The following DEK variants were observed in gnomAD, a reference collection of about 807,000 sequenced individuals.
The protein encoded by DEK is DEK proto-oncogene.
DEK carries 28 observed loss-of-function variants against 46.8 expected under a neutral mutation model. The ratio of observed to expected loss-of-function variants is 0.60; its 90% CI spans 0.44 to 0.82. DEK has a LOEUF of 0.82. DEK is among the 40% of genes least tolerant of loss of function. DEK has a pLI of 0.00. For synonymous variants in DEK, 160 were observed against 144.5 expected, an observed-to-expected ratio of 1.11 and a Z score of -0.77; for missense variants, 416 against 430.6, an observed-to-expected ratio of 0.97 and a Z score of 0.30.
In DEK at chr6:18,236,437, C is replaced by T. The variant is rs1332887269; in HGVS notation, c.1047+15G>A. The stretch of plus-strand genomic sequence containing the variant: ...TCTAGCAAAAGCAAAATAATCTAAA[C>T]ATTTGTCTAATTACCTTTTTGCAAA... On this transcript the variant is annotated intron_variant, in intron 9 of 10. Coordinates refer to ENST00000652689, the MANE Select transcript of DEK (RefSeq NM_003472.4). 6.2e-7 allele frequency: 1 copy of T among 1,605,976 alleles called. No individual in the cohort carries two copies. Among genetic ancestry groups the T allele is most frequent in the Non-Finnish European group, 8.5e-7 (1 of 1,177,252 alleles).
chr6:18,252,533 A>AG (rs1791432142), intron 6 of DEK, among the ~76,000 whole-genome samples: 1 of 148,004 alleles, frequency 6.8e-6, no homozygotes, highest in Admixed American at 6.8e-5. Context: ...AAAAAAAAAA[A>AG]AAGAAAATAG....
chr6:18,231,453 T>G (rs1437551054), intron 9 of DEK, among the ~76,000 whole-genome samples: 3 of 151,550 alleles, frequency 2.0e-5, no homozygotes, highest in African/African-American at 7.3e-5. Flanking sequence ...AAAAGATCAA[T>G]AAAATTGATA....
intron 9 of DEK, among the ~76,000 whole-genome samples, chr6:18,234,376 G>C (rs1790559039): frequency 6.6e-6 from 1 of 151,778 alleles, no homozygotes; most frequent in African/African-American, 2.4e-5. Flanking sequence ...TTTGCCCCTT[G>C]TTCTTTCCCT....
chr6:18,243,070 G>A (rs1393070349), intron 7 of DEK, among the ~76,000 whole-genome samples: 2 of 152,084 alleles, frequency 1.3e-5, no homozygotes, highest in Non-Finnish European at 2.9e-5. Flanking sequence ...ATACACTGGG[G>A]GTCTTGAAAT....
In DEK at chr6:18,225,131, T is replaced by C. The variant is rs912487758; in HGVS notation, c.*588A>G. 1.8e-5 allele frequency: 4 copies of C among 217,712 alleles called. No individual in the cohort carries two copies. The highest frequency in any genetic ancestry group is 2.8e-5 in the Non-Finnish European group (3 of 108,220). 13.5% of individuals were successfully genotyped at this position (217,712 alleles called of 1,614,324 possible). ...ACTTTATATACAACCAATTGTTTTT[T>C]AAAAATACAAAAATAACATCTGTCA... On this transcript the variant is annotated 3_prime_UTR_variant, in exon 11 of 11. Transcript: ENST00000652689.
chr6:18,225,178 G>C lies in DEK; in HGVS notation c.*541C>G. ...GTCACTTTTGTCATGCTGACAATTT[G>C]ACATATATACACATGCAGGAGAAAA... On this transcript the variant is annotated 3_prime_UTR_variant, in exon 11 of 11. Transcript: ENST00000652689. The C allele has an allele frequency of 4.4e-6, 1 of 224,886 alleles. No individual in the cohort carries two copies. The highest frequency in any genetic ancestry group is 6.5e-5 in the East Asian group (1 of 15,420). 13.9% of individuals were successfully genotyped at this position (224,886 alleles called of 1,614,324 possible). A position where few individuals can be genotyped will look rare whatever the true frequency, so the allele number is the denominator to read the frequency against.
At chr6:18,233,421 A>G (rs1790497450) in intron 9 of DEK, among the ~76,000 whole-genome samples, 1 of 152,252 alleles carries the variant, frequency 6.6e-6, no homozygotes, top group Admixed American at 6.5e-5. Flanking sequence ...GGCAACCTAC[A>G]GAATGGGAGA....
At position 18,258,380 on chromosome 6, in the gene DEK, C is replaced by CT. The variant is rs1169699293; in HGVS notation, c.170dup (p.Arg58GlufsTer33). On this transcript the variant is annotated frameshift_variant, in exon 3 of 11. Coordinates refer to ENST00000652689, the MANE Select transcript of DEK (RefSeq NM_003472.4). LOFTEE classifies it high-confidence loss of function. The stretch of plus-strand genomic sequence containing the variant: ...ACCTCTCTACTTTTTTCTTTTCCCT[C>CT]TTGCCTTCCACGATGAGACTCTTTT... The CT allele has an allele frequency of 6.2e-7, 1 of 1,612,828 alleles. No homozygotes were observed. The highest frequency in any genetic ancestry group is 8.5e-7 in the Non-Finnish European group (1 of 1,179,558).
At chr6:18,249,605 C>G (rs765871877) in intron 7 of DEK, 46 bp downstream of exon 7, 2 of 1,468,320 alleles carry the variant, frequency 1.4e-6, no homozygotes, top group Non-Finnish European at 1.8e-6. Flanking sequence ...ATATTTAACT[C>G]TCCCCATGGA....
chr6:18,229,778 A>C (rs1790324323), intron 9 of DEK, among the ~76,000 whole-genome samples: 1 of 152,232 alleles, frequency 6.6e-6, no homozygotes, highest in African/African-American at 2.4e-5. Flanking sequence ...TGACGGGGAG[A>C]ATGGAACCAA....
chr6:18,226,014 A>G (rs1790109037), intron 10 of DEK, 160 bp downstream of exon 10: 2 of 803,364 alleles, frequency 2.5e-6, no homozygotes, highest in South Asian at 5.1e-5. Context: ...TTTAAGCTTT[A>G]AAGTGGGAAT....
chr6:18,244,685 C>A, intron 7 of DEK: 2 of 612,218 alleles, frequency 3.3e-6, no homozygotes, highest in Non-Finnish European at 5.0e-6. Flanking sequence ...ACTCAGAATG[C>A]CAAGAGGAAA....
intron 9 of DEK, 108 bp downstream of exon 9, chr6:18,236,344 A>C: frequency 8.1e-7 from 1 of 1,232,466 alleles, no homozygotes; most frequent in Non-Finnish European, 1.1e-6. Context: ...AGTTCAATAA[A>C]TCTTTCTTCA....
At chr6:18,244,906 C>T (rs1439061298) in intron 7 of DEK, among the ~76,000 whole-genome samples, 1 of 152,186 alleles carries the variant, frequency 6.6e-6, no homozygotes, top group Non-Finnish European at 1.5e-5. Flanking sequence ...TCACATTCAC[C>T]TTACCACTAC....
rs1790017962 is a variant in DEK at position 18,224,377 on chromosome 6, A to G, written c.*1342T>C. 2 of 188,166 alleles carry G rather than the reference A, an allele frequency of 1.1e-5. No homozygotes were observed. Among genetic ancestry groups the G allele is most frequent in the African/African-American group, 2.3e-5 (1 of 42,824 alleles). The allele number at this position is 188,166 out of a possible 1,614,324, so 11.7% of individuals were successfully genotyped here. A position where few individuals can be genotyped will look rare whatever the true frequency, so the allele number is the denominator to read the frequency against. ...ATATATTTTTATATATTTCTGTTCT[A>G]TGATGCAAAGATATTTTTCAACACT... is the stretch of plus-strand genomic sequence containing the variant. On this transcript the variant is annotated 3_prime_UTR_variant, in exon 11 of 11. Transcript: ENST00000652689.
At chr6:18,259,889 T>C (rs1396171749) in intron 2 of DEK, among the ~76,000 whole-genome samples, 2 of 152,204 alleles carry the variant, frequency 1.3e-5, no homozygotes, top group Admixed American at 1.3e-4. Context: ...GGCCATGTTG[T>C]ACAGAATGAA....
intron 6 of DEK, among the ~76,000 whole-genome samples, chr6:18,254,084 A>G (rs1791504611): frequency 6.6e-6 from 1 of 152,068 alleles, no homozygotes; most frequent in Non-Finnish European, 1.5e-5. Flanking sequence ...TAATCCCAGC[A>G]CTCTGGGAGG....
At chr6:18,258,280 G>GA (rs747964223) in intron 3 of DEK, 24 bp downstream of exon 3, 4 of 1,581,452 alleles carry the variant, frequency 2.5e-6, no homozygotes, top group Non-Finnish European at 3.4e-6. Context: ...ACCACAAAAT[G>GA]AAAGGAAGCT....
rs1561996121 is a variant in DEK at position 18,263,853 on chromosome 6, C to CTCCTCCTCCTCCTCGTCGTCCTCG, written c.111_134dup (p.Asp37_Glu44dup). On this transcript the variant is annotated inframe_insertion, in exon 2 of 11. Coordinates refer to ENST00000652689, the MANE Select transcript of DEK (RefSeq NM_003472.4). ...TGCGACTCCCCCCACCTTTTTCCTC[C>CTCCTCCTCCTCCTCGTCGTCCTCG]TCCTCCTCCTCCTCGTCGTCCTCGT... 6.2e-7 allele frequency: 1 copy of CTCCTCCTCCTCCTCGTCGTCCTCG among 1,611,542 alleles called. No homozygotes were observed.
Sources: allele counts gnomAD v4.1 joint callset (sites outside exome capture counted in the v4.1 genomes callset), GRCh38; gene constraint gnomAD v4.1.1; transcripts MANE v1.5; gene names NCBI Gene and HGNC (gene_info 2026-07-23, HGNC 2026-07-21).